The following TPD52 variants were observed in gnomAD, a reference collection of about 807,000 sequenced individuals.
TPD52 encodes the protein prostate and colon associated protein.
Under a neutral mutation model 31.3 loss-of-function variants are expected in TPD52, and 17 were observed. The observed-to-expected ratio is 0.54, with a 90% CI of 0.37 to 0.82. The LOEUF (loss-of-function observed/expected upper bound fraction) is 0.82, where lower values mean the gene tolerates loss of function less well. Among genes scored for constraint, TPD52 ranks in the 40% least tolerant of loss-of-function variants. The pLI, the probability that TPD52 is intolerant of heterozygous loss-of-function variation, is 0.00. For synonymous variants in TPD52, 83 were observed against 89.6 expected (o/e 0.93, Z 0.42); for missense variants, 212 against 240.1 (o/e 0.88, Z 0.77).
At chr8:80,092,308 TC>T (rs1370291489) in intron 1 of TPD52, among the ~76,000 whole-genome samples, 1 of 151,790 alleles carries the variant, frequency 6.6e-6, no homozygotes. Flanking sequence ...CGTTTTATCC[TC>T]CCCCCACCCA....
At chr8:80,111,504 T>C (rs4452830) in intron 1 of TPD52, among the ~76,000 whole-genome samples, 67,605 of 152,004 alleles carry the variant, frequency 0.44, 15,520 homozygotes, top group East Asian at 0.79. Context: ...GCATTCTGTG[T>C]GGTACTGAGT....
intron 1 of TPD52, among the ~76,000 whole-genome samples, chr8:80,137,942 CT>C (rs568826691): frequency 3.4e-5 from 5 of 148,668 alleles, no homozygotes; most frequent in East Asian, 2.0e-4. Context: ...CGTCTCTTTT[CT>C]TTTTTTTTTC....
intron 2 of TPD52, among the ~76,000 whole-genome samples, chr8:80,058,661 G>A (rs1021539276): frequency 6.6e-6 from 1 of 152,174 alleles, no homozygotes; most frequent in African/African-American, 2.4e-5. Context: ...AGCTGGGCAT[G>A]GTGGCACACG....
intron 1 of TPD52, among the ~76,000 whole-genome samples, chr8:80,099,509 C>CTTTTT (rs756408673): frequency 7.4e-6 from 1 of 134,588 alleles, no homozygotes. Context: ...GGTCTAACAT[C>CTTTTT]TTTTTTTTTT....
At chr8:80,040,885 G>A (rs1691637814) in intron 7 of TPD52, among the ~76,000 whole-genome samples, 3 of 152,174 alleles carry the variant, frequency 2.0e-5, no homozygotes, top group South Asian at 2.1e-4. Flanking sequence ...GATGCATATT[G>A]AGCAATGTGC....
At chr8:80,060,917 C>T (rs1417626206) in intron 2 of TPD52, among the ~76,000 whole-genome samples, 2 of 152,046 alleles carry the variant, frequency 1.3e-5, no homozygotes, top group Admixed American at 6.5e-5. Flanking sequence ...GACAGGGATA[C>T]CCATTTTTAC....
At chr8:80,145,832 T>C (rs1810155525) in intron 1 of TPD52, among the ~76,000 whole-genome samples, 1 of 152,158 alleles carries the variant, frequency 6.6e-6, no homozygotes, top group Non-Finnish European at 1.5e-5. Context: ...AATTTAAAAG[T>C]AATGCCCTTT....
rs1182563814 is a variant in TPD52, at chr8:80,104,564, TA to T, written c.20-39972del. ...AACAGAGCAAGACCCCATCTCTATT[TA>T]AAAAAAAAAAAACAACAACAAAAAA... On this transcript the variant is annotated intron_variant, in intron 1 of 7. Transcript: ENST00000518937. Among the ~76,000 whole-genome samples, 1,059 of 136,398 alleles carry T rather than the reference TA, an allele frequency of 7.8e-3. 4 individuals carry two copies. The highest frequency in any genetic ancestry group is 0.013 in the Non-Finnish European group (821 of 62,950). 89.5% of individuals were successfully genotyped at this position (136,398 alleles called of 152,430 possible). A position where few individuals can be genotyped will look rare whatever the true frequency, so the allele number is the denominator to read the frequency against.
At position 80,111,076 on chromosome 8, in the gene TPD52, G is replaced by A. The variant is rs532726334; in HGVS notation, c.20-46483C>T. 5.9e-5 allele frequency among the ~76,000 whole-genome samples: 9 copies of A among 152,248 alleles called. No homozygotes were observed. In the South Asian group the frequency reaches 1.2e-3, roughly 21 times the overall value. ...AAAACATAAAAATTAGCAGGGCATC[G>A]TGATGTGCACATGTAACCTCAACTA... On this transcript the variant is annotated intron_variant, in intron 1 of 7. Transcript: ENST00000518937.
intron 1 of TPD52, among the ~76,000 whole-genome samples, chr8:80,079,059 C>T (rs1291114882): frequency 1.3e-5 from 2 of 152,172 alleles, no homozygotes; most frequent in Non-Finnish European, 2.9e-5. Flanking sequence ...TTCCCTCCCT[C>T]CCCCGCAAGT....
chr8:80,160,971 A>G (rs1482893841), intron 1 of TPD52, among the ~76,000 whole-genome samples: 2 of 151,864 alleles, frequency 1.3e-5, no homozygotes, highest in Non-Finnish European at 2.9e-5. Context: ...CTGAGGCACG[A>G]GAATTGCTTG....
intron 3 of TPD52, among the ~76,000 whole-genome samples, chr8:80,052,351 G>C (rs1031513999): frequency 1.3e-5 from 2 of 151,978 alleles, no homozygotes; most frequent in African/African-American, 4.8e-5. Flanking sequence ...AAATAATATC[G>C]TACCTACCAA....
rs11433117 is a variant in TPD52 at position 80,081,715 on chromosome 8, AT to A, written c.20-17123del. On this transcript the variant is annotated intron_variant, in intron 1 of 7. Coordinates refer to ENST00000518937, the MANE Select transcript of TPD52 (RefSeq NM_001025253.3). ...CAAGATGGTCTGTATTCATCTTGTG[AT>A]TTTTTTTTTTTAAATACAGAATATA... is the stretch of plus-strand genomic sequence containing the variant. 5.2e-3 allele frequency among the ~76,000 whole-genome samples: 783 copies of A among 149,434 alleles called. 1 individual carries two copies. Among genetic ancestry groups the A allele is most frequent in the African/African-American group, 0.016 (635 of 40,902 alleles).
intron 1 of TPD52, among the ~76,000 whole-genome samples, chr8:80,148,573 CT>C (rs948339393): frequency 4.6e-5 from 7 of 152,112 alleles, no homozygotes; most frequent in African/African-American, 1.7e-4. Flanking sequence ...CTAAAACAGC[CT>C]TTTTTTAATT....
intron 3 of TPD52, 120 bp downstream of exon 3, chr8:80,053,162 G>A (rs561466800): frequency 1.1e-5 from 12 of 1,132,350 alleles, no homozygotes; most frequent in Middle Eastern, 2.2e-4. Flanking sequence ...AAAGGGTGCC[G>A]TGTCGTCCAA....
At position 80,075,380 on chromosome 8, in the gene TPD52, T is replaced by C. The variant is rs545501021; in HGVS notation, c.20-10787A>G. On this transcript the variant is annotated intron_variant, in intron 1 of 7. Transcript: ENST00000518937. The stretch of plus-strand genomic sequence containing the variant: ...CTTGGGAGCCACATCGGGTGCAAAG[T>C]GCTCCTGGGACTCAGCTCTGAAAGC... Among the ~76,000 whole-genome samples the C allele has an allele frequency of 8.2e-3, 1,243 of 152,278 alleles. 10 individuals carry two copies. Among genetic ancestry groups the C allele is most frequent in the Non-Finnish European group, 0.012 (844 of 68,024 alleles).
intron 1 of TPD52, among the ~76,000 whole-genome samples, chr8:80,152,313 C>CAG (rs1314669562): frequency 6.6e-6 from 1 of 152,168 alleles, no homozygotes; most frequent in Non-Finnish European, 1.5e-5. Context: ...TAGTACCTGA[C>CAG]AGAATCACAT....
intron 7 of TPD52, among the ~76,000 whole-genome samples, chr8:80,040,064 C>A (rs1055712846): frequency 2.0e-5 from 3 of 151,906 alleles, no homozygotes; most frequent in Non-Finnish European, 4.4e-5. Flanking sequence ...ATGAATCAAC[C>A]CAAAATCTAA....
intron 2 of TPD52, among the ~76,000 whole-genome samples, chr8:80,055,127 C>T (rs1471219241): frequency 1.3e-5 from 2 of 152,178 alleles, no homozygotes; most frequent in South Asian, 2.1e-4. Context: ...AAGCTTCAGA[C>T]ACTTCTAAGA....
Sources: gnomAD v4.1 joint callset for allele counts (sites outside exome capture counted in the v4.1 genomes callset) on GRCh38, gnomAD v4.1.1 for gene constraint, MANE v1.5 for transcripts, NCBI Gene and HGNC (gene_info 2026-07-23, HGNC 2026-07-21) for gene names.